CRACD: variants seen among roughly 807,000 people sequenced by gnomAD.
CRACD encodes the protein capping protein-inhibiting regulator of actin dynamics.
CRACD carries 56 observed loss-of-function variants against 106.8 expected under a neutral mutation model. The ratio of observed to expected loss-of-function variants is 0.52; its 90% CI spans 0.42 to 0.66. The LOEUF (loss-of-function observed/expected upper bound fraction) is 0.66, where lower values mean the gene tolerates loss of function less well. Among genes scored for constraint, CRACD ranks in the 30% least tolerant of loss-of-function variants. The pLI is 0.00. For missense variants in CRACD, 1,730 were observed against 1,623.2 expected, an observed-to-expected ratio of 1.07 and a Z score of -1.13; for synonymous variants, 754 against 670.8, an observed-to-expected ratio of 1.12 and a Z score of -1.92.
chr4:56,248,419 A>G (rs890730156), intron 2 of CRACD, among the ~76,000 whole-genome samples: 4 of 152,022 alleles, frequency 2.6e-5, no homozygotes, highest in Non-Finnish European at 5.9e-5. Context: ...TTAAGTGCCT[A>G]TTTTGCTCCC....
chr4:56,188,198 A>G (rs186356781), intron 2 of CRACD, among the ~76,000 whole-genome samples: 73 of 152,300 alleles, frequency 4.8e-4, no homozygotes, highest in South Asian at 2.1e-4. Flanking sequence ...TTGGATATGT[A>G]TATGTATTTT....
chr4:56,184,637 A>G (rs1029675310), intron 2 of CRACD, among the ~76,000 whole-genome samples: 2 of 152,184 alleles, frequency 1.3e-5, no homozygotes, highest in African/African-American at 4.8e-5. Context: ...TTGATTGTGA[A>G]GTTAGACTAC....
intron 1 of CRACD, among the ~76,000 whole-genome samples, chr4:56,069,030 G>A (rs997382925): frequency 3.3e-5 from 5 of 152,198 alleles, no homozygotes; most frequent in African/African-American, 1.2e-4. Context: ...AGAAGGCTGT[G>A]TGGAGACAGA....
intron 4 of CRACD, among the ~76,000 whole-genome samples, chr4:56,307,061 CCCAAAGGGG>C (rs1560528700): frequency 4.6e-4 from 70 of 152,286 alleles, no homozygotes; most frequent in Non-Finnish European, 5.3e-4. Flanking sequence ...GTGAATATGT[CCCAAAGGGG>C]CTGGAGAGTT....
chr4:56,177,941 C>A (rs1274873622), intron 1 of CRACD, among the ~76,000 whole-genome samples: 2 of 151,840 alleles, frequency 1.3e-5, no homozygotes, highest in Non-Finnish European at 2.9e-5. Flanking sequence ...ATTTTTTTAT[C>A]TTTTAAAAAA....
chr4:56,114,584 T>A (rs558992627), intron 1 of CRACD, among the ~76,000 whole-genome samples: 3 of 151,734 alleles, frequency 2.0e-5, no homozygotes, highest in East Asian at 1.9e-4. Context: ...CTTTTCTTAA[T>A]TTTTTTTTCT....
intron 2 of CRACD, among the ~76,000 whole-genome samples, chr4:56,241,897 G>T (rs1203232090): frequency 6.6e-6 from 1 of 152,146 alleles, no homozygotes; most frequent in Non-Finnish European, 1.5e-5. Flanking sequence ...AGCAAAACTA[G>T]GAGGCTGTAA....
intron 1 of CRACD, among the ~76,000 whole-genome samples, chr4:56,155,487 A>G (rs1429943219): frequency 1.3e-5 from 2 of 152,222 alleles, no homozygotes; most frequent in Non-Finnish European, 2.9e-5. Flanking sequence ...ATAATACAAA[A>G]CATTGCATTG....
At position 56,267,392 on chromosome 4, in the gene CRACD, G is replaced by T. The variant is rs181738568; in HGVS notation, c.-188-4929G>T. 7.3e-3 allele frequency among the ~76,000 whole-genome samples: 1,113 copies of T among 152,204 alleles called. 5 individuals carry two copies. Among genetic ancestry groups the T allele is most frequent in the Non-Finnish European group, 0.011 (726 of 68,006 alleles). On this transcript the variant is annotated intron_variant, in intron 2 of 10. Transcript: ENST00000682029. ...CTGCCTCAGCCCCGCAAAGTGCCGG[G>T]ATTACAGGCGTGAGCCACCACGCCT... is the stretch of plus-strand genomic sequence containing the variant.
At chr4:56,294,888 TG>T (rs1743904362) in intron 3 of CRACD, among the ~76,000 whole-genome samples, 1 of 123,698 alleles carries the variant, frequency 8.1e-6, no homozygotes, top group African/African-American at 3.2e-5. Context: ...CACTCCAGCC[TG>T]GGTAGCAGAG....
intron 1 of CRACD, among the ~76,000 whole-genome samples, chr4:56,088,485 T>C (rs2109816848): frequency 6.7e-6 from 1 of 149,232 alleles, no homozygotes; most frequent in South Asian, 2.1e-4. Context: ...GGACTGCAGG[T>C]GTGCACCATG....
chr4:56,217,601 T>C (rs1446756520), intron 2 of CRACD, among the ~76,000 whole-genome samples: 2 of 152,200 alleles, frequency 1.3e-5, no homozygotes, highest in Non-Finnish European at 2.9e-5. Context: ...AGCCTCCAGA[T>C]AGCAGGCTTC....
intron 2 of CRACD, among the ~76,000 whole-genome samples, chr4:56,204,475 G>A (rs1407511239): frequency 2.6e-5 from 4 of 152,214 alleles, no homozygotes; most frequent in Non-Finnish European, 2.9e-5. Context: ...CAAGACAGAA[G>A]GGGTGGAACT....
intron 1 of CRACD, among the ~76,000 whole-genome samples, chr4:56,172,924 T>C (rs1352168363): frequency 6.6e-6 from 1 of 152,126 alleles, no homozygotes; most frequent in Non-Finnish European, 1.5e-5. Flanking sequence ...CCTGGCCTAA[T>C]TTTGTATTTT....
At chr4:56,155,146 A>T (rs1735724942) in intron 1 of CRACD, among the ~76,000 whole-genome samples, 1 of 152,042 alleles carries the variant, frequency 6.6e-6, no homozygotes, top group African/African-American at 2.4e-5. Flanking sequence ...CACATTGTAC[A>T]TCTGTGGCAG....
intron 2 of CRACD, among the ~76,000 whole-genome samples, chr4:56,267,929 G>C (rs1742124148): frequency 6.6e-6 from 1 of 152,170 alleles, no homozygotes; most frequent in Non-Finnish European, 1.5e-5. Flanking sequence ...AACCCTCCCA[G>C]TTCTCAGAAC....
At chr4:56,081,457 T>C (rs1363897330) in intron 1 of CRACD, among the ~76,000 whole-genome samples, 2 of 152,192 alleles carry the variant, frequency 1.3e-5, no homozygotes, top group East Asian at 3.8e-4. Flanking sequence ...TGTCATGAAG[T>C]GTTAAATAAT....
chr4:56,115,997 A>G (rs1487943655), intron 1 of CRACD, among the ~76,000 whole-genome samples: 1 of 152,142 alleles, frequency 6.6e-6, no homozygotes, highest in Non-Finnish European at 1.5e-5. Context: ...CTTGCCAGTT[A>G]GTGTTAGGTG....
In CRACD at chr4:56,271,562, T is replaced by C. The variant is rs79595304; in HGVS notation, c.-188-759T>C. ...AACTGGAGATATGTATAGATAGAGATAAAAATATTAAAAAAAAAACAAAAC... is the reference window on the plus strand; with the variant it reads ...AACTGGAGATATGTATAGATAGAGACAAAAATATTAAAAAAAAAACAAAAC... On this transcript the variant is annotated intron_variant, in intron 2 of 10. Transcript: ENST00000682029. 5.4e-3 allele frequency among the ~76,000 whole-genome samples: 819 copies of C among 151,550 alleles called. 3 individuals carry two copies. Among genetic ancestry groups the C allele is most frequent in the South Asian group, 0.011 (55 of 4,792 alleles).
Sources: allele counts gnomAD v4.1 joint callset (sites outside exome capture counted in the v4.1 genomes callset), GRCh38; gene constraint gnomAD v4.1.1; transcripts MANE v1.5; gene names NCBI Gene and HGNC (gene_info 2026-07-23, HGNC 2026-07-21).